The following CPNE8 variants were observed in gnomAD, a reference collection of about 807,000 sequenced individuals.
The protein encoded by CPNE8 is copine 8, also known as copine-8.
A neutral mutation model predicts 81.5 loss-of-function variants in CPNE8; 45 were observed. The observed-to-expected ratio is 0.55, with a 90% CI of 0.44 to 0.71. CPNE8 has a LOEUF of 0.71. Among genes scored for constraint, CPNE8 ranks in the 30% least tolerant of loss-of-function variants. The pLI is 0.00. For missense variants in CPNE8, 594 were observed against 672.1 expected, an observed-to-expected ratio of 0.88 and a Z score of 1.28; for synonymous variants, 252 against 226.3, an observed-to-expected ratio of 1.11 and a Z score of -1.02.
chr12:38,886,874 A>C (rs895848328), intron 1 of CPNE8, among the ~76,000 whole-genome samples: 4 of 152,178 alleles, frequency 2.6e-5, no homozygotes, highest in Non-Finnish European at 5.9e-5. Context: ...AGACAAAGAC[A>C]GGCCCACACA....
chr12:38,669,484 CTA>C (rs1939127237), intron 19 of CPNE8, among the ~76,000 whole-genome samples: 1 of 152,152 alleles, frequency 6.6e-6, no homozygotes, highest in Non-Finnish European at 1.5e-5. Context: ...ACACTGAAAT[CTA>C]TAAAGCTTAT....
At chr12:38,905,349 A>G in intron 1 of CPNE8, 88 bp downstream of exon 1, 2 of 1,453,228 alleles carry the variant, frequency 1.4e-6, no homozygotes, top group Non-Finnish European at 1.9e-6. Context: ...TTGCCTGCGC[A>G]AAGCCTCGTG....
chr12:38,763,351 C>A (rs1353401663), intron 8 of CPNE8, among the ~76,000 whole-genome samples: 1 of 151,978 alleles, frequency 6.6e-6, no homozygotes, highest in African/African-American at 2.4e-5. Context: ...TGACAATGAG[C>A]AAAGAAGGAG....
At chr12:38,890,060 T>C (rs1332118531) in intron 1 of CPNE8, among the ~76,000 whole-genome samples, 1 of 152,252 alleles carries the variant, frequency 6.6e-6, no homozygotes, top group Non-Finnish European at 1.5e-5. Flanking sequence ...AGTTGCATTT[T>C]TTAAATCACA....
intron 4 of CPNE8, 147 bp from the exon 5 acceptor site, chr12:38,840,102 A>T (rs1592131391): frequency 3.7e-6 from 3 of 800,096 alleles, no homozygotes; most frequent in East Asian, 2.9e-5. Context: ...TTAAAGTTTC[A>T]CATATTCCGT....
chr12:38,743,199 CTGAG>C lies in CPNE8; in HGVS notation c.723-12845_723-12842del, dbSNP rs374834225. Among the ~76,000 whole-genome samples the C allele has an allele frequency of 7.0e-4, 106 of 152,098 alleles. No individual in the cohort carries two copies. The South Asian group carries it at 0.017, about 24-fold the overall frequency. ...TTATTTATTAGTCAGAAAGCATTTA[CTGAG>C]TATTTCCTCTTCCTGAATTTCAATG... On this transcript the variant is annotated intron_variant, in intron 10 of 19. Transcript: ENST00000331366.
intron 10 of CPNE8, among the ~76,000 whole-genome samples, chr12:38,738,937 C>T (rs1565591699): frequency 1.3e-5 from 2 of 151,766 alleles, no homozygotes; most frequent in Admixed American, 1.3e-4. Context: ...CCTCAGCCTC[C>T]CAAGTAGCTG....
intron 13 of CPNE8, among the ~76,000 whole-genome samples, chr12:38,714,884 C>G (rs916681854): frequency 2.6e-5 from 4 of 151,964 alleles, no homozygotes; most frequent in Non-Finnish European, 5.9e-5. Flanking sequence ...AATAACTAAA[C>G]TAACGGAAGT....
intron 13 of CPNE8, among the ~76,000 whole-genome samples, chr12:38,704,826 G>GTGTGTATATATATATATATATATA (rs1249607170): frequency 2.0e-5 from 1 of 50,200 alleles, no homozygotes; most frequent in African/African-American, 4.6e-5. Flanking sequence ...GTATGTATGT[G>GTGTGTATATATATATATATATATA]TATATATATA....
At chr12:38,779,727 T>C (rs1161104117) in intron 6 of CPNE8, among the ~76,000 whole-genome samples, 1 of 152,110 alleles carries the variant, frequency 6.6e-6, no homozygotes, top group African/African-American at 2.4e-5. Context: ...TGAAGCTCGT[T>C]TTATAATATT....
At chr12:38,811,217 A>T (rs1565630604) in intron 6 of CPNE8, among the ~76,000 whole-genome samples, 1 of 133,044 alleles carries the variant, frequency 7.5e-6, no homozygotes, top group African/African-American at 2.5e-5. Context: ...TATTGCGTAT[A>T]TAAAAAAAAA....
At chr12:38,848,281 T>C (rs374251277) in intron 4 of CPNE8, among the ~76,000 whole-genome samples, 21 of 152,070 alleles carry the variant, frequency 1.4e-4, no homozygotes, top group African/African-American at 3.4e-4. Context: ...GGAGTATACA[T>C]AGAACTTGTA....
At chr12:38,880,853 C>CA (rs1944143124) in intron 1 of CPNE8, among the ~76,000 whole-genome samples, 1 of 151,400 alleles carries the variant, frequency 6.6e-6, no homozygotes, top group African/African-American at 2.4e-5. Context: ...ATATTTTTCC[C>CA]AAAACTACAA....
intron 6 of CPNE8, among the ~76,000 whole-genome samples, chr12:38,805,672 A>C (rs1264197324): frequency 2.2e-3 from 82 of 37,694 alleles, no homozygotes; most frequent in African/African-American, 3.1e-3. Flanking sequence ...AAAAAAAAAA[A>C]ACATTAAAAA....
intron 2 of CPNE8, 144 bp from the exon 3 acceptor site, chr12:38,873,194 G>T: frequency 1.8e-6 from 1 of 561,492 alleles, no homozygotes; most frequent in Non-Finnish European, 3.2e-6. Context: ...AAAAAAAAAG[G>T]CTAGTAAATC....
At chr12:38,814,118 C>T (rs1942982521) in intron 6 of CPNE8, among the ~76,000 whole-genome samples, 1 of 151,988 alleles carries the variant, frequency 6.6e-6, no homozygotes, top group African/African-American at 2.4e-5. Flanking sequence ...GGTCTGCGGG[C>T]TGTCAGGGAG....
chr12:38,797,595 G>A (rs1485222792), intron 6 of CPNE8, among the ~76,000 whole-genome samples: 3 of 151,998 alleles, frequency 2.0e-5, no homozygotes, highest in African/African-American at 7.3e-5. Context: ...CACAAAGATG[G>A]GGAAAAAACA....
chr12:38,747,768 A>C (rs1004878578), intron 10 of CPNE8, among the ~76,000 whole-genome samples: 1 of 152,088 alleles, frequency 6.6e-6, no homozygotes, highest in Non-Finnish European at 1.5e-5. Context: ...ATATCTCAAT[A>C]ATTTAGATAC....
chr12:38,706,309 A>C (rs1213499486), intron 13 of CPNE8, among the ~76,000 whole-genome samples: 1 of 152,104 alleles, frequency 6.6e-6, no homozygotes, highest in Non-Finnish European at 1.5e-5. Context: ...ATCAATAACA[A>C]ACCCAAATTT....
Sources: allele counts gnomAD v4.1 joint callset (sites outside exome capture counted in the v4.1 genomes callset), GRCh38; gene constraint gnomAD v4.1.1; transcripts MANE v1.5; gene names NCBI Gene and HGNC (gene_info 2026-07-23, HGNC 2026-07-21).